The following NHS variants were observed in gnomAD, a reference collection of about 807,000 sequenced individuals.
NHS encodes the protein actin remodeling regulator NHS.
Under a neutral mutation model 72.5 loss-of-function variants are expected in NHS, and 5 were observed. The observed-to-expected ratio is 0.07, with a 90% CI of 0.04 to 0.14. The LOEUF is 0.14. Among genes scored for constraint, NHS ranks in the 10% least tolerant of loss-of-function variants. NHS has a pLI of 1.00. For missense variants in NHS, 1,072 were observed against 1,355.7 expected (o/e 0.79, Z 3.29); for synonymous variants, 464 against 547.7 (o/e 0.85, Z 2.13).
intron 1 of NHS, among the ~76,000 whole-genome samples, chrX:17,541,598 C>T (rs778833835): frequency 2.4e-4 from 27 of 111,433 alleles, no homozygotes; most frequent in Non-Finnish European, 4.5e-4. Context: ...GTAAGATGCA[C>T]GTAAGTAAAG....
intron 1 of NHS, among the ~76,000 whole-genome samples, chrX:17,678,629 C>T (rs1282899422): frequency 6.3e-5 from 7 of 110,664 alleles, no homozygotes. Context: ...CATGAGAAAC[C>T]ACCCCTGTGA....
chrX:17,508,117 A>G (rs907763205), intron 1 of NHS, among the ~76,000 whole-genome samples: 5 of 109,883 alleles, frequency 4.6e-5, no homozygotes, highest in Admixed American at 9.6e-5. Context: ...TACATTCACA[A>G]TGGTACAACC....
At chrX:17,439,949 A>T (rs2064744000) in intron 1 of NHS, among the ~76,000 whole-genome samples, 1 of 111,820 alleles carries the variant, frequency 8.9e-6, no homozygotes, top group Non-Finnish European at 1.9e-5. Context: ...AAGAAAATTT[A>T]CTTTGACACC....
chrX:17,620,952 T>C, intron 1 of NHS, among the ~76,000 whole-genome samples: 1 of 111,725 alleles, frequency 9.0e-6, no homozygotes, highest in East Asian at 2.8e-4. Flanking sequence ...TCATTTGCTC[T>C]GTTTCCAGAG....
intron 1 of NHS, among the ~76,000 whole-genome samples, chrX:17,430,420 C>CCTTCCTTT (rs1400288708): frequency 2.8e-4 from 26 of 91,823 alleles, no homozygotes; most frequent in African/African-American, 9.4e-4. Flanking sequence ...CTCCTTCCTT[C>CCTTCCTTT]CTTCCTTCCT....
At chrX:17,700,651 C>T (rs12689537) in intron 3 of NHS, among the ~76,000 whole-genome samples, 2 of 111,615 alleles carry the variant, frequency 1.8e-5, no homozygotes, top group Non-Finnish European at 3.8e-5. Context: ...AAACTACATA[C>T]GCACTTACCT....
chrX:17,496,314 G>T (rs372261716), intron 1 of NHS, among the ~76,000 whole-genome samples: 36 of 111,074 alleles, frequency 3.2e-4, no homozygotes, highest in African/African-American at 9.8e-4. Context: ...CCTCCTCCAA[G>T]GACCCCTGAT....
At chrX:17,571,444 A>G (rs1235769853) in intron 1 of NHS, among the ~76,000 whole-genome samples, 34 of 112,234 alleles carry the variant, frequency 3.0e-4, no homozygotes, top group African/African-American at 1.0e-3. Context: ...CAGATTTTCT[A>G]GTTTATTTGT....
At chrX:17,626,872 G>A (rs1025286710) in intron 1 of NHS, among the ~76,000 whole-genome samples, 1 of 111,744 alleles carries the variant, frequency 8.9e-6, no homozygotes, top group Non-Finnish European at 1.9e-5. Flanking sequence ...TCACTTCCAA[G>A]CCATTTTGAA....
At chrX:17,697,944 A>G (rs2147119781) in intron 3 of NHS, among the ~76,000 whole-genome samples, 1 of 110,623 alleles carries the variant, frequency 9.0e-6, no homozygotes, top group Non-Finnish European at 1.9e-5. Context: ...AAAAAAAAAT[A>G]CAAATCTTCC....
chrX:17,692,201 G>C, intron 2 of NHS, 134 bp from the exon 3 acceptor site: 3 of 755,740 alleles, frequency 4.0e-6, no homozygotes, highest in Non-Finnish European at 5.9e-6. Flanking sequence ...ATCTTATTTG[G>C]TATTCAAATT....
At chrX:17,674,141 TC>T (rs1215094918) in intron 1 of NHS, among the ~76,000 whole-genome samples, 3 of 111,596 alleles carry the variant, frequency 2.7e-5, no homozygotes. Context: ...TCCAGTACAC[TC>T]GGAGGGATTG....
chrX:17,533,115 G>A (rs902552431), intron 1 of NHS, among the ~76,000 whole-genome samples: 3 of 111,807 alleles, frequency 2.7e-5, no homozygotes, highest in African/African-American at 9.8e-5. Flanking sequence ...TGTCTGCCCC[G>A]CCCACCACAC....
chrX:17,595,591 A>G (rs1332628604), intron 1 of NHS, among the ~76,000 whole-genome samples: 1 of 112,146 alleles, frequency 8.9e-6, no homozygotes, highest in Non-Finnish European at 1.9e-5. Flanking sequence ...TGAAAAGGCA[A>G]TTAGCTAGCT....
chrX:17,625,535 T>A (rs1478479532), intron 1 of NHS, among the ~76,000 whole-genome samples: 1 of 111,974 alleles, frequency 8.9e-6, no homozygotes, highest in Non-Finnish European at 1.9e-5. Context: ...ATGAATTAAT[T>A]TGCTTCTTAG....
intron 1 of NHS, among the ~76,000 whole-genome samples, chrX:17,621,459 G>C (rs1230135617): frequency 2.7e-5 from 3 of 112,239 alleles, no homozygotes; most frequent in African/African-American, 9.7e-5. Flanking sequence ...ACAACCAGGT[G>C]CTAATACAGA....
intron 1 of NHS, among the ~76,000 whole-genome samples, chrX:17,420,406 C>T (rs936716338): frequency 9.0e-6 from 1 of 111,681 alleles, no homozygotes; most frequent in African/African-American, 3.3e-5. Flanking sequence ...ATCCACCCAT[C>T]TATGAATCCA....
At chrX:17,697,006 CA>C (rs1260412047) in intron 3 of NHS, among the ~76,000 whole-genome samples, 2 of 111,041 alleles carry the variant, frequency 1.8e-5, no homozygotes, top group African/African-American at 6.6e-5. Context: ...AAACCACCAC[CA>C]GAAAAATTGT....
chrX:17,680,293 T>A (rs185374815), intron 1 of NHS, among the ~76,000 whole-genome samples: 1 of 112,303 alleles, frequency 8.9e-6, no homozygotes, highest in Non-Finnish European at 1.9e-5. Context: ...CTGAGGGAAG[T>A]GCATGGGCCT....
Sources: gnomAD v4.1 joint callset for allele counts (sites outside exome capture counted in the v4.1 genomes callset) on GRCh38, gnomAD v4.1.1 for gene constraint, MANE v1.5 for transcripts, NCBI Gene and HGNC (gene_info 2026-07-23, HGNC 2026-07-21) for gene names.